The following CLSTN2 variants were observed in gnomAD, a reference collection of about 807,000 sequenced individuals.
The protein encoded by CLSTN2 is calsyntenin 2.
In CLSTN2, 48 loss-of-function variants were observed where a neutral mutation model predicts 101.2. The ratio of observed to expected loss-of-function variants is 0.47; its 90% CI spans 0.38 to 0.60. The LOEUF (loss-of-function observed/expected upper bound fraction) is 0.60. Among genes scored for constraint, CLSTN2 ranks in the 20% least tolerant of loss-of-function variants. The pLI, the probability that CLSTN2 is intolerant of heterozygous loss-of-function variation, is 0.00. For synonymous variants in CLSTN2, 481 were observed against 463.6 expected, an observed-to-expected ratio of 1.04 and a Z score of -0.48; for missense variants, 1,160 against 1,238.2, an observed-to-expected ratio of 0.94 and a Z score of 0.95.
chr3:140,004,541 G>A (rs771609979), intron 1 of CLSTN2, among the ~76,000 whole-genome samples: 1 of 152,236 alleles, frequency 6.6e-6, no homozygotes, highest in Non-Finnish European at 1.5e-5. Flanking sequence ...CTTCTTTAGA[G>A]AGCCTCTCTG....
In CLSTN2 at chr3:140,071,288, A is replaced by G. The variant is rs370512829; in HGVS notation, c.110-104663A>G. On this transcript the variant is annotated intron_variant, in intron 1 of 16. Coordinates refer to ENST00000458420, the MANE Select transcript of CLSTN2 (RefSeq NM_022131.3). The stretch of plus-strand genomic sequence containing the variant: ...TCTAGACAAGAAATTCTAGATGGGT[A>G]CAATAGTCAGTAAAATCACAAAAAG... Among the ~76,000 whole-genome samples the G allele has an allele frequency of 3.3e-5, 5 of 152,346 alleles. No homozygotes were observed. The East Asian group carries it at 7.7e-4, about 23-fold the overall frequency.
At chr3:140,303,248 G>C (rs1017898148) in intron 2 of CLSTN2, among the ~76,000 whole-genome samples, 6 of 152,150 alleles carry the variant, frequency 3.9e-5, no homozygotes, top group Non-Finnish European at 8.8e-5. Flanking sequence ...ATACCACAAG[G>C]CTTGAGGAAC....
chr3:140,484,669 A>G (rs573072208), intron 8 of CLSTN2, among the ~76,000 whole-genome samples: 1 of 152,036 alleles, frequency 6.6e-6, no homozygotes, highest in Admixed American at 6.5e-5. Flanking sequence ...ATTTCCTTTT[A>G]TTCTTTTTTC....
At chr3:140,033,987 A>G (rs2007607905) in intron 1 of CLSTN2, among the ~76,000 whole-genome samples, 1 of 152,264 alleles carries the variant, frequency 6.6e-6, no homozygotes, top group Non-Finnish European at 1.5e-5. Flanking sequence ...CAAACTTTCA[A>G]GACTGCACCA....
At chr3:140,524,221 T>G (rs1223111928) in intron 8 of CLSTN2, among the ~76,000 whole-genome samples, 1 of 152,188 alleles carries the variant, frequency 6.6e-6, no homozygotes, top group Non-Finnish European at 1.5e-5. Context: ...GAACTCAAAC[T>G]TGGACACAGT....
intron 5 of CLSTN2, among the ~76,000 whole-genome samples, chr3:140,433,708 G>A (rs903308305): frequency 1.3e-5 from 2 of 152,302 alleles, no homozygotes; most frequent in Non-Finnish European, 2.9e-5. Flanking sequence ...AGTACCTATC[G>A]CAGAGGGTTG....
chr3:140,457,363 T>C (rs1245927751), intron 6 of CLSTN2, among the ~76,000 whole-genome samples: 2 of 152,238 alleles, frequency 1.3e-5, no homozygotes, highest in East Asian at 3.8e-4. Flanking sequence ...AGTTTTGGTA[T>C]CAGACCCAAC....
rs186891881 is a variant in CLSTN2, at chr3:140,552,459, C to A, written c.1675-4054C>A. ...TGCTCTGGAGGTTTTATTGACCCTG[C>A]AAGAACTATGCTGATGGCTAGGCCA... On this transcript the variant is annotated intron_variant, in intron 10 of 16. Coordinates refer to ENST00000458420, the MANE Select transcript of CLSTN2 (RefSeq NM_022131.3). Among the ~76,000 whole-genome samples the A allele has an allele frequency of 9.7e-4, 147 of 151,566 alleles. 2 individuals carry two copies. The highest frequency in any genetic ancestry group is 1.8e-3 in the Non-Finnish European group (125 of 67,908).
At chr3:140,397,714 T>C (rs2088197888) in intron 2 of CLSTN2, among the ~76,000 whole-genome samples, 2 of 152,208 alleles carry the variant, frequency 1.3e-5, no homozygotes, top group Non-Finnish European at 2.9e-5. Flanking sequence ...CATCTCCTAA[T>C]ACCTTCACTT....
At chr3:140,117,805 C>T (rs2009271531) in intron 1 of CLSTN2, among the ~76,000 whole-genome samples, 1 of 152,134 alleles carries the variant, frequency 6.6e-6, no homozygotes, top group Non-Finnish European at 1.5e-5. Context: ...AGTGACTTGA[C>T]CAAGGTTACA....
chr3:140,552,520 T>C (rs1023471097), intron 10 of CLSTN2, among the ~76,000 whole-genome samples: 9 of 152,006 alleles, frequency 5.9e-5, no homozygotes, highest in Admixed American at 1.3e-4. Context: ...GACCTCCCAA[T>C]GCTGTGGCAC....
rs1489424298 is a variant in CLSTN2 at position 140,190,065 on chromosome 3, A to C, written c.232+13992A>C. ...GGTAGAAAGGGGAAGACAGCTCTCT[A>C]GGGCCTGTTTTATAAGGGACCTAAT... On this transcript the variant is annotated intron_variant, in intron 2 of 16. Transcript: ENST00000458420. 2.6e-5 allele frequency among the ~76,000 whole-genome samples: 4 copies of C among 152,180 alleles called. 1 individual carries two copies. In the South Asian group the frequency reaches 8.3e-4, roughly 31 times the overall value.
intron 2 of CLSTN2, among the ~76,000 whole-genome samples, chr3:140,200,851 G>A (rs1344812607): frequency 6.6e-6 from 1 of 151,482 alleles, no homozygotes; most frequent in African/African-American, 2.4e-5. Context: ...TTTGGGTCTT[G>A]GCTCAGGTGT....
In CLSTN2 at chr3:140,570,289, G is replaced by A. The variant is rs899725157; in HGVS notation, c.*4036G>A. On this transcript the variant is annotated 3_prime_UTR_variant, in exon 17 of 17. Transcript: ENST00000458420. Reference sequence around the variant, plus strand: ...GAATCAAAAATATTTGGGAAAAAATGTATAGTTGCAACTGACCTGAACATA... The same window carrying A: ...GAATCAAAAATATTTGGGAAAAAATATATAGTTGCAACTGACCTGAACATA... 6.6e-6 allele frequency: 1 copy of A among 152,170 alleles called. No individual in the cohort carries two copies. Among genetic ancestry groups the A allele is most frequent in the Non-Finnish European group, 1.5e-5 (1 of 68,032 alleles). The allele number at this position is 152,170 out of a possible 1,614,324, so 9.4% of individuals were successfully genotyped here. A position where few individuals can be genotyped will look rare whatever the true frequency, so the allele number is the denominator to read the frequency against.
chr3:140,353,193 G>A (rs2087629579), intron 2 of CLSTN2, among the ~76,000 whole-genome samples: 1 of 147,852 alleles, frequency 6.8e-6, no homozygotes, highest in African/African-American at 2.4e-5. Flanking sequence ...AGTGTGTTGG[G>A]GTTCTGTAGA....
intron 11 of CLSTN2, 67 bp downstream of exon 11, chr3:140,556,728 C>T: frequency 1.3e-6 from 2 of 1,507,946 alleles, no homozygotes; most frequent in South Asian, 1.2e-5. Context: ...ACTGAGGTCC[C>T]TTGGGAATGT....
At chr3:139,972,545 T>A (rs1370255844) in intron 1 of CLSTN2, among the ~76,000 whole-genome samples, 1 of 151,990 alleles carries the variant, frequency 6.6e-6, no homozygotes, top group Non-Finnish European at 1.5e-5. Flanking sequence ...ATTCTCAGAG[T>A]TTTGCTCTCC....
At chr3:140,438,809 G>A (rs956701704) in intron 5 of CLSTN2, among the ~76,000 whole-genome samples, 5 of 152,204 alleles carry the variant, frequency 3.3e-5, no homozygotes, top group Non-Finnish European at 5.9e-5. Flanking sequence ...TTTGAAGTGC[G>A]TGGTTTCTGT....
intron 9 of CLSTN2, among the ~76,000 whole-genome samples, chr3:140,539,306 C>G (rs1203197630): frequency 6.6e-6 from 1 of 152,104 alleles, no homozygotes; most frequent in Non-Finnish European, 1.5e-5. Flanking sequence ...AAAAAGATGT[C>G]TCTTAACATT....
Sources: allele counts gnomAD v4.1 joint callset (sites outside exome capture counted in the v4.1 genomes callset), GRCh38; gene constraint gnomAD v4.1.1; transcripts MANE v1.5; gene names NCBI Gene and HGNC (gene_info 2026-07-23, HGNC 2026-07-21).